The following DAB1 variants were observed in gnomAD, a reference collection of about 807,000 sequenced individuals.
DAB1 encodes the protein disabled homolog 1.
A neutral mutation model predicts 64.6 loss-of-function variants in DAB1; 15 were observed. That is an observed-to-expected ratio of 0.23 (90% CI 0.16 to 0.36). The LOEUF is 0.36. Ranked by LOEUF, DAB1 falls within the 10% of genes least tolerant of loss-of-function variation. The probability of loss-of-function intolerance (pLI) is 1.00; values close to 1 mark genes in which losing one functional copy is unlikely to be tolerated. For synonymous variants in DAB1, 235 were observed against 251.9 expected (o/e 0.93, Z 0.64); for missense variants, 596 against 706.7 (o/e 0.84, Z 1.78).
intron 1 of DAB1, among the ~76,000 whole-genome samples, chr1:57,858,579 C>T (rs1653862858): frequency 6.6e-6 from 1 of 151,816 alleles, no homozygotes; most frequent in Non-Finnish European, 1.5e-5. Context: ...CAGAACTCCA[C>T]CTCCTAACTC....
At chr1:58,098,814 G>A (rs1467220050) in intron 5 of DAB1, among the ~76,000 whole-genome samples, 2 of 152,204 alleles carry the variant, frequency 1.3e-5, no homozygotes, top group African/African-American at 4.8e-5. Flanking sequence ...GAAGAAGTCA[G>A]CTGCACCAAC....
At chr1:57,791,645 A>C (rs1227765142) in intron 6 of DAB1, among the ~76,000 whole-genome samples, 2 of 152,144 alleles carry the variant, frequency 1.3e-5, no homozygotes, top group African/African-American at 4.8e-5. Context: ...CACCTATCAC[A>C]GTGCCCAGCA....
intron 5 of DAB1, among the ~76,000 whole-genome samples, chr1:58,000,774 C>T (rs187203997): frequency 2.6e-5 from 4 of 151,706 alleles, no homozygotes; most frequent in Admixed American, 6.6e-5. Flanking sequence ...TTTCACCATG[C>T]TGGCCAGGCT....
At position 57,409,917 on chromosome 1, in the gene DAB1, GA is replaced by G. The variant is rs375940824; in HGVS notation, c.-137+14012del. Among the ~76,000 whole-genome samples, 35 of 152,304 alleles carry G rather than the reference GA, an allele frequency of 2.3e-4. 1 individual carries two copies. The East Asian group carries it at 5.8e-3, about 25-fold the overall frequency. On this transcript the variant is annotated intron_variant, in intron 1 of 14. Transcript: ENST00000371236. ...TGCTGTGGGATTTGACAAGGAATTA[GA>G]AAGTCCACCTCTCAACTACTCTCAA...
chr1:57,951,880 A>G (rs1048497603), intron 5 of DAB1, among the ~76,000 whole-genome samples: 3 of 152,280 alleles, frequency 2.0e-5, no homozygotes, highest in Middle Eastern at 6.8e-3. Flanking sequence ...GACCCATCTT[A>G]AGGATGATTC....
chr1:58,356,860 C>G (rs1644116339), intron 3 of DAB1, among the ~76,000 whole-genome samples: 1 of 151,682 alleles, frequency 6.6e-6, no homozygotes, highest in Non-Finnish European at 1.5e-5. Context: ...CTGGGCTCTA[C>G]AAAAAATTTT....
At position 57,765,409 on chromosome 1, in the gene DAB1, G is replaced by A. The variant is rs542642846; in HGVS notation, n.552-115744C>T. 2.0e-5 allele frequency among the ~76,000 whole-genome samples: 3 copies of A among 152,264 alleles called. No individual in the cohort carries two copies. The South Asian group carries it at 6.2e-4, about 32-fold the overall frequency. On this transcript the variant is annotated intron_variant and non_coding_transcript_variant, in intron 6 of 20. Transcript: ENST00000485760. ...CTTTAATACTATTCCCAAGTTCAAA[G>A]GCTTCACTTTCTTATTTGCAGCTTC...
intron 7 of DAB1, among the ~76,000 whole-genome samples, chr1:57,552,080 A>G (rs972508468): frequency 2.0e-5 from 3 of 152,202 alleles, no homozygotes. Flanking sequence ...CATCGCAGTA[A>G]GCAGGGCAGT....
chr1:57,148,893 T>C (rs1177945958), intron 2 of DAB1, among the ~76,000 whole-genome samples: 2 of 152,158 alleles, frequency 1.3e-5, no homozygotes, highest in Non-Finnish European at 2.9e-5. Flanking sequence ...AAGTATAGAA[T>C]CCAGTGGGTT....
intron 1 of DAB1, chr1:58,542,380 T>C (rs907459821): frequency 2.6e-5 from 4 of 152,310 alleles, no homozygotes; most frequent in East Asian, 1.9e-4. Context: ...GCACAGAATA[T>C]AGTCCTGCTC....
chr1:57,137,654 G>T (rs1200364196), intron 3 of DAB1, among the ~76,000 whole-genome samples: 1 of 150,892 alleles, frequency 6.6e-6, no homozygotes, highest in Admixed American at 6.6e-5. Context: ...ATTACTGCCA[G>T]CCTCTAAAGA....
intron 7 of DAB1, among the ~76,000 whole-genome samples, chr1:57,437,387 G>A (rs1685735813): frequency 6.6e-6 from 1 of 152,136 alleles, no homozygotes; most frequent in African/African-American, 2.4e-5. Context: ...ACACAGTGAT[G>A]CAAATCACAC....
At chr1:58,120,119 T>C (rs993036586) in intron 5 of DAB1, among the ~76,000 whole-genome samples, 10 of 152,146 alleles carry the variant, frequency 6.6e-5, no homozygotes, top group African/African-American at 2.2e-4. Context: ...ACTTGAAAGG[T>C]AATGTAGTGA....
At chr1:57,524,365 C>A (rs954772297) in intron 7 of DAB1, among the ~76,000 whole-genome samples, 1 of 152,092 alleles carries the variant, frequency 6.6e-6, no homozygotes, top group African/African-American at 2.4e-5. Flanking sequence ...AGAAGTTGAA[C>A]ATAAAAACTT....
chr1:57,245,442 C>A (rs1183277794), intron 2 of DAB1, among the ~76,000 whole-genome samples: 1 of 152,134 alleles, frequency 6.6e-6, no homozygotes, highest in East Asian at 1.9e-4. Context: ...GGCCCCCATC[C>A]CCTGAAAGGC....
At chr1:57,800,196 G>A (rs528448071) in intron 6 of DAB1, among the ~76,000 whole-genome samples, 1 of 152,242 alleles carries the variant, frequency 6.6e-6, no homozygotes, top group Non-Finnish European at 1.5e-5. Context: ...TGGGATCTGT[G>A]ACCTTGATCA....
chr1:57,705,115 T>C (rs1646952032), intron 6 of DAB1, among the ~76,000 whole-genome samples: 1 of 152,170 alleles, frequency 6.6e-6, no homozygotes, highest in African/African-American at 2.4e-5. Context: ...TACATAGTAT[T>C]CTACTCATAG....
In DAB1 at chr1:58,141,126, G is replaced by A. The variant is rs521849; in HGVS notation, n.387+9385C>T. On this transcript the variant is annotated intron_variant and non_coding_transcript_variant, in intron 5 of 20. Coordinates refer to the DAB1 transcript ENST00000485760. ...CATATCACATGGCCAGAGCAAGAGC[G>A]AGAGAGAGAGAGTTGGGGAGGTAGT... is the stretch of plus-strand genomic sequence containing the variant. 1.8e-3 allele frequency among the ~76,000 whole-genome samples: 273 copies of A among 151,954 alleles called. 1 individual carries two copies. The highest frequency in any genetic ancestry group is 5.9e-3 in the African/African-American group (243 of 41,482).
chr1:57,553,458 A>AAGAGAGAG (rs1215075800), intron 7 of DAB1, among the ~76,000 whole-genome samples: 3 of 132,138 alleles, frequency 2.3e-5, no homozygotes, highest in Non-Finnish European at 4.8e-5. Flanking sequence ...GAAAGAAAGA[A>AAGAGAGAG]AGAGAAAGGG....
Sources: gnomAD v4.1 joint callset for allele counts (sites outside exome capture counted in the v4.1 genomes callset) on GRCh38, gnomAD v4.1.1 for gene constraint, MANE v1.5 for transcripts, NCBI Gene and HGNC (gene_info 2026-07-23, HGNC 2026-07-21) for gene names.